COL6A6: variants seen among roughly 807,000 people sequenced by gnomAD.
COL6A6 encodes collagen type VI alpha 6 chain, also known as collagen alpha-6(VI) chain.
COL6A6 carries 183 observed loss-of-function variants against 208.6 expected under a neutral mutation model. The ratio of observed to expected loss-of-function variants is 0.88; its 90% confidence interval spans 0.78 to 0.99. COL6A6 has a LOEUF of 0.99. Among genes scored for constraint, COL6A6 ranks in the 50% least tolerant of loss-of-function variants. The pLI, the probability that COL6A6 is intolerant of heterozygous loss-of-function variation, is 0.00. For synonymous variants in COL6A6, 973 were observed against 1,011.8 expected, an observed-to-expected ratio of 0.96 and a Z score of 0.73; for missense variants, 2,816 against 2,815.2, an observed-to-expected ratio of 1.00 and a Z score of -0.01.
chr3:130,519,083 T>G (rs1398472380), intron 1 of COL6A6, among the ~76,000 whole-genome samples: 1 of 152,220 alleles, frequency 6.6e-6, no homozygotes, highest in African/African-American at 2.4e-5. Flanking sequence ...TCCCTTCAGA[T>G]AGTCTGAATT....
chr3:130,545,558 A>T (rs143492738), intron 1 of COL6A6, among the ~76,000 whole-genome samples: 3,541 of 150,258 alleles, frequency 0.024, 129 homozygotes, highest in East Asian at 0.073. Flanking sequence ...GATTCAAGTG[A>T]TTCTCCTGCC....
At chr3:130,665,253 A>G (rs1005955801) in intron 36 of COL6A6, among the ~76,000 whole-genome samples, 157 bp downstream of exon 36, 1 of 152,176 alleles carries the variant, frequency 6.6e-6, no homozygotes, top group African/African-American at 2.4e-5. Context: ...GGAACAAGAG[A>G]TAACTTTTTA....
chr3:130,600,557 C>T (rs1264458692), intron 20 of COL6A6, among the ~76,000 whole-genome samples: 1 of 152,078 alleles, frequency 6.6e-6, no homozygotes, highest in Admixed American at 6.6e-5. Flanking sequence ...GAGATCATGT[C>T]CTTTGCAGGG....
chr3:130,558,755 G>A (rs1044460301), intron 1 of COL6A6, among the ~76,000 whole-genome samples: 2 of 152,120 alleles, frequency 1.3e-5, no homozygotes, highest in South Asian at 2.1e-4. Context: ...AGAAAATAGT[G>A]TAAAACCCTG....
At chr3:130,587,259 C>G (rs1331386985) in intron 11 of COL6A6, among the ~76,000 whole-genome samples, 3 of 152,102 alleles carry the variant, frequency 2.0e-5, no homozygotes, top group African/African-American at 7.2e-5. Context: ...AGATTTCTAC[C>G]TTATATTCTC....
At chr3:130,561,723 G>C (rs2062890721) in intron 2 of COL6A6, among the ~76,000 whole-genome samples, 2 of 138,150 alleles carry the variant, frequency 1.4e-5, no homozygotes, top group Non-Finnish European at 3.0e-5. Context: ...CGCAATCTCG[G>C]CTCACTGCAA....
intron 1 of COL6A6, among the ~76,000 whole-genome samples, chr3:130,532,198 GC>G (rs1233996378): frequency 1.3e-5 from 2 of 152,162 alleles, no homozygotes; most frequent in Non-Finnish European, 2.9e-5. Context: ...TGGAAATGAT[GC>G]CACTTATCAG....
intron 23 of COL6A6, among the ~76,000 whole-genome samples, 178 bp from the exon 24 acceptor site, chr3:130,621,643 A>G (rs1234870408): frequency 6.6e-6 from 1 of 152,080 alleles, no homozygotes; most frequent in Non-Finnish European, 1.5e-5. Context: ...TACTTTATTA[A>G]TTTTCTTTTA....
chr3:130,641,743 GGTCCTTTT>G, intron 29 of COL6A6, 29 bp downstream of exon 29: 1 of 1,379,158 alleles, frequency 7.3e-7, no homozygotes. Flanking sequence ...AACCACAGCA[GGTCCTTTT>G]CCATTAAAAA....
At chr3:130,605,337 C>A (rs536171505) in intron 20 of COL6A6, among the ~76,000 whole-genome samples, 1 of 151,772 alleles carries the variant, frequency 6.6e-6, no homozygotes, top group Admixed American at 6.6e-5. Context: ...CTCCTCCTCC[C>A]AAACCCAAAG....
intron 1 of COL6A6, among the ~76,000 whole-genome samples, chr3:130,558,753 G>A (rs2062819761): frequency 6.6e-6 from 1 of 152,174 alleles, no homozygotes. Flanking sequence ...GAAGAAAATA[G>A]TGTAAAACCC....
At chr3:130,573,225 A>G (rs73868915) in intron 7 of COL6A6, among the ~76,000 whole-genome samples, 6,722 of 152,256 alleles carry the variant, frequency 0.044, 498 homozygotes, top group African/African-American at 0.15. Flanking sequence ...AACATGAACT[A>G]TCTGCCTCTT....
In COL6A6 at chr3:130,591,086, G is replaced by C. The variant is rs780126119; in HGVS notation, c.4264G>C (p.Gly1422Arg). The C allele has an allele frequency of 6.3e-7, 1 of 1,582,350 alleles. No homozygotes were observed. The highest frequency in any genetic ancestry group is 1.8e-5 in the Admixed American group (1 of 55,232). The change falls in exon 13 of 37, where the codon GGA becomes CGA. Residue 1422 changes from glycine to arginine, a missense_variant. Gly to Arg is a moderately radical substitution (Grantham distance 125). Transcript: ENST00000358511. ...KGSEGYLGEE[G>R]IAGERGAPGP... ...CAGTGAAGGCTACCTGGGAGAGGAGGGAATCGCTGTAAGTCAGGGCTCTTT... is the reference window on the plus strand; with the variant it reads ...CAGTGAAGGCTACCTGGGAGAGGAGCGAATCGCTGTAAGTCAGGGCTCTTT...
At chr3:130,641,599 C>A in intron 28 of COL6A6, 53 bp from the exon 29 acceptor site, 1 of 777,668 alleles carries the variant, frequency 1.3e-6, no homozygotes, top group Non-Finnish European at 2.0e-6. Context: ...TGAATTTACA[C>A]ACACACATAC....
chr3:130,650,331 A>G (rs1469216635), intron 33 of COL6A6, among the ~76,000 whole-genome samples: 1 of 152,202 alleles, frequency 6.6e-6, no homozygotes, highest in African/African-American at 2.4e-5. Flanking sequence ...AATTTAAATT[A>G]AAAGTCCAGG....
chr3:130,652,693 G>A (rs1419602542), intron 33 of COL6A6, among the ~76,000 whole-genome samples: 6 of 152,134 alleles, frequency 3.9e-5, no homozygotes, highest in South Asian at 2.1e-4. Context: ...TCTACTTGCC[G>A]CCTTCTTTCT....
intron 26 of COL6A6, among the ~76,000 whole-genome samples, chr3:130,627,803 T>A (rs1179445911): frequency 1.3e-5 from 2 of 152,182 alleles, no homozygotes; most frequent in Non-Finnish European, 2.9e-5. Flanking sequence ...AAACTGTATA[T>A]CAGAAGAGTA....
chr3:130,568,423 A>AC lies in COL6A6; in HGVS notation c.2222dup (p.Ala742SerfsTer25), dbSNP rs2063083382. 6.2e-7 allele frequency: 1 copy of AC among 1,613,818 alleles called. No homozygotes were observed. The highest frequency in any genetic ancestry group is 1.7e-5 in the Admixed American group (1 of 59,994). On this transcript the variant is annotated frameshift_variant, in exon 6 of 37. Coordinates refer to ENST00000358511, the MANE Select transcript of COL6A6 (RefSeq NM_001102608.3). LOFTEE classifies it high-confidence loss of function. ...GTGAAGCTCAGGACATAGTAAAGGA[A>AC]CCAGCAGTAGTGCTTCGGCAAGAAG...
At chr3:130,671,259 C>T (rs752488351) in intron 36 of COL6A6, among the ~76,000 whole-genome samples, 5 of 152,120 alleles carry the variant, frequency 3.3e-5, no homozygotes, top group African/African-American at 9.7e-5. Flanking sequence ...CATGTGGGAG[C>T]CAACCTATGC....
Sources: allele counts gnomAD v4.1 joint callset (sites outside exome capture counted in the v4.1 genomes callset), GRCh38; gene constraint gnomAD v4.1.1; transcripts MANE v1.5; gene names NCBI Gene and HGNC (gene_info 2026-07-23, HGNC 2026-07-21).